PAPPA2: variants seen among roughly 807,000 people sequenced by gnomAD.
The protein encoded by PAPPA2 is pappalysin 2, also known as pappalysin-2.
PAPPA2 carries 86 observed loss-of-function variants against 176.4 expected under a neutral mutation model. The observed-to-expected ratio is 0.49, with a 90% CI of 0.41 to 0.58. The LOEUF is 0.58. PAPPA2 is among the 20% of genes least tolerant of loss of function. The pLI is 0.00. For missense variants in PAPPA2, 2,073 were observed against 2,256.9 expected (o/e 0.92, Z 1.65); for synonymous variants, 809 against 852.2 (o/e 0.95, Z 0.88).
At chr1:176,596,134 C>A (rs1254076686) in intron 3 of PAPPA2, among the ~76,000 whole-genome samples, 2 of 152,246 alleles carry the variant, frequency 1.3e-5, no homozygotes, top group African/African-American at 4.8e-5. Flanking sequence ...TGACTGGGAT[C>A]TTTCACTGTT....
intron 3 of PAPPA2, among the ~76,000 whole-genome samples, chr1:176,597,953 A>C (rs907217300): frequency 4.6e-5 from 7 of 152,200 alleles, no homozygotes; most frequent in African/African-American, 1.7e-4. Flanking sequence ...GGGTGTTTAT[A>C]ACTTACTCAC....
intron 9 of PAPPA2, among the ~76,000 whole-genome samples, chr1:176,705,293 C>A (rs1660831049): frequency 6.6e-6 from 1 of 152,162 alleles, no homozygotes; most frequent in Non-Finnish European, 1.5e-5. Flanking sequence ...TCTCCACTTC[C>A]AGCTTGCCAT....
intron 11 of PAPPA2, among the ~76,000 whole-genome samples, chr1:176,711,185 G>A (rs569212446): frequency 6.6e-6 from 1 of 152,168 alleles, no homozygotes; most frequent in Admixed American, 6.5e-5. Flanking sequence ...CAAAATTGGA[G>A]TTTATTAATA....
intron 2 of PAPPA2, among the ~76,000 whole-genome samples, chr1:176,575,987 G>A (rs796276608): frequency 6.6e-5 from 10 of 152,248 alleles, no homozygotes; most frequent in African/African-American, 2.2e-4. Context: ...TAATGGTAGG[G>A]TAGTATTCCA....
Position 176,679,372 on chromosome 1 carries a change from T to C in PAPPA2, c.2137+8257T>C, listed in dbSNP as rs80353760. ...CATGTTTCCAACTACTTAACAGGTG[T>C]CTCATCTCAAATACCCCCAAATACC... On this transcript the variant is annotated intron_variant, in intron 4 of 22. Coordinates refer to ENST00000367662, the MANE Select transcript of PAPPA2 (RefSeq NM_020318.3). 1.2e-4 allele frequency among the ~76,000 whole-genome samples: 19 copies of C among 152,180 alleles called. No individual in the cohort carries two copies. In the East Asian group the frequency reaches 3.5e-3, roughly 28 times the overall value.
intron 1 of PAPPA2, among the ~76,000 whole-genome samples, chr1:176,508,297 G>A (rs141051500): frequency 6.3e-4 from 96 of 151,852 alleles, no homozygotes; most frequent in Middle Eastern, 3.4e-3. Context: ...TAAATCAGTC[G>A]GTAGAAACAT....
chr1:176,591,398 T>A (rs1235149904), intron 2 of PAPPA2, among the ~76,000 whole-genome samples: 1 of 152,150 alleles, frequency 6.6e-6, no homozygotes, highest in Non-Finnish European at 1.5e-5. Flanking sequence ...TGTTGGGAAG[T>A]TGACATTTAA....
At chr1:176,786,074 G>A (rs1664921618) in intron 17 of PAPPA2, among the ~76,000 whole-genome samples, 1 of 152,136 alleles carries the variant, frequency 6.6e-6, no homozygotes, top group South Asian at 2.1e-4. Context: ...TTCATCTGTG[G>A]GAGGTGGTAG....
intron 1 of PAPPA2, among the ~76,000 whole-genome samples, chr1:176,473,583 GT>G (rs1312246342): frequency 6.6e-6 from 1 of 152,168 alleles, no homozygotes; most frequent in Non-Finnish European, 1.5e-5. Flanking sequence ...GTAAGGGTAT[GT>G]TTAGTTTTGT....
At chr1:176,479,635 A>G (rs552967040) in intron 1 of PAPPA2, among the ~76,000 whole-genome samples, 1 of 152,298 alleles carries the variant, frequency 6.6e-6, no homozygotes, top group African/African-American at 2.4e-5. Context: ...GAGAAATGTA[A>G]TGAATAAAGG....
rs1472323027 is a variant in PAPPA2 at position 176,840,154 on chromosome 1, C to T, written c.5203-19C>T. On this transcript the variant is annotated intron_variant, in intron 21 of 22. Transcript: ENST00000367662. ...ATAATAAGGCTATACTGAGATGTTG[C>T]CTTCTAACCTCCCTACAGCCCTTCC... The T allele has an allele frequency of 3.8e-6, 6 of 1,588,898 alleles. No individual in the cohort carries two copies. The highest frequency in any genetic ancestry group is 1.7e-4 in the Middle Eastern group (1 of 5,988).
At chr1:176,600,632 C>T (rs900403809) in intron 3 of PAPPA2, among the ~76,000 whole-genome samples, 4 of 144,808 alleles carry the variant, frequency 2.8e-5, no homozygotes, top group East Asian at 2.0e-4. Context: ...GCCGAGATCG[C>T]GCCACTGCAC....
chr1:176,483,551 A>G (rs915689205), intron 1 of PAPPA2, among the ~76,000 whole-genome samples: 5 of 139,312 alleles, frequency 3.6e-5, no homozygotes, highest in African/African-American at 8.2e-5. Flanking sequence ...GCTCACTGCA[A>G]TCTCCGCTTC....
chr1:176,645,242 C>T (rs1040481318), intron 3 of PAPPA2, among the ~76,000 whole-genome samples: 4 of 151,380 alleles, frequency 2.6e-5, no homozygotes, highest in African/African-American at 9.7e-5. Context: ...TTTTATCCTC[C>T]CTCCCTTCTA....
intron 12 of PAPPA2, among the ~76,000 whole-genome samples, chr1:176,726,487 C>T (rs1465122403): frequency 6.6e-6 from 1 of 152,124 alleles, no homozygotes; most frequent in Admixed American, 6.5e-5. Flanking sequence ...TAAGTCTTAG[C>T]CTTGGCAATG....
intron 4 of PAPPA2, among the ~76,000 whole-genome samples, chr1:176,681,722 C>A (rs112655353): frequency 4.6e-5 from 7 of 152,196 alleles, no homozygotes; most frequent in African/African-American, 1.7e-4. Context: ...TTTTTCAGTG[C>A]CCTGGAAAGA....
chr1:176,615,384 C>T (rs557285324), intron 3 of PAPPA2, among the ~76,000 whole-genome samples: 4 of 152,326 alleles, frequency 2.6e-5, no homozygotes, highest in South Asian at 2.1e-4. Context: ...CATCTCGGCT[C>T]GCTGCAAGCT....
chr1:176,818,495 A>G (rs1055836005), intron 21 of PAPPA2, among the ~76,000 whole-genome samples: 3 of 152,188 alleles, frequency 2.0e-5, no homozygotes, highest in Non-Finnish European at 2.9e-5. Flanking sequence ...CCTTGATGTC[A>G]TCTTAATTTC....
chr1:176,490,309 A>G (rs988036033), intron 1 of PAPPA2, among the ~76,000 whole-genome samples: 9 of 152,192 alleles, frequency 5.9e-5, no homozygotes, highest in African/African-American at 2.2e-4. Context: ...AATAAAAACA[A>G]GAAGTGTCAA....
Sources: gnomAD v4.1 joint callset for allele counts (sites outside exome capture counted in the v4.1 genomes callset) on GRCh38, gnomAD v4.1.1 for gene constraint, MANE v1.5 for transcripts, NCBI Gene and HGNC (gene_info 2026-07-23, HGNC 2026-07-21) for gene names.